Variants in TRIM65 observed in about 807,000 individuals in gnomAD.
TRIM65 encodes E3 ubiquitin-protein ligase TRIM65.
Under a neutral mutation model 36.1 loss-of-function variants are expected in TRIM65, and 46 were observed. The ratio of observed to expected loss-of-function variants is 1.27; its 90% CI spans 1.01 to 1.63. TRIM65 has a LOEUF of 1.63. Ranked by LOEUF, TRIM65 falls within the 40% of genes most tolerant of loss-of-function variation. The pLI is 0.00. For synonymous variants in TRIM65, 346 were observed against 313.6 expected (o/e 1.10, Z -1.09); for missense variants, 708 against 696.6 (o/e 1.02, Z -0.18).
In TRIM65 at chr17:75,891,850, T is replaced by C; in HGVS notation, c.948A>G (p.Pro316=). The change falls in exon 5 of 6, where the codon CCA becomes CCG. Residue 316 remains proline (P), a synonymous_variant. Transcript: ENST00000269383. ...VEAPGPLAPV[P]STVCPLRRKL... is the part of the protein sequence containing the mutation. ...TCCTCCTCAGTGGACAAACTGTGCT[T>C]GGGACCGGTGCCAGGGGACCTGGGG... is the stretch of plus-strand genomic sequence containing the variant. 2 of 1,612,846 alleles carry C rather than the reference T, an allele frequency of 1.2e-6. No homozygotes were observed. Among genetic ancestry groups the C allele is most frequent in the Non-Finnish European group, 1.7e-6 (2 of 1,179,374 alleles).
chr17:75,890,958 AG>A lies in TRIM65; in HGVS notation c.1374del (p.Ser459GlnfsTer39), dbSNP rs1264058081. On this transcript the variant is annotated frameshift_variant, in exon 6 of 6. Coordinates refer to ENST00000269383, the MANE Select transcript of TRIM65 (RefSeq NM_173547.4). LOFTEE classifies it low-confidence loss of function (END_TRUNC). ...AGGCTGTAGAAGGTGAGGCAGCCTGAGGCCAGGTCCAAATCCATGCCCAGGA... is the reference window on the plus strand; with the variant it reads ...AGGCTGTAGAAGGTGAGGCAGCCTGAGCCAGGTCCAAATCCATGCCCAGGA... ...GRLLGMDLDL[A>X]SGCLTFYSLE... is the part of the protein sequence containing the mutation. 1 of 1,560,446 alleles carries A rather than the reference AG, an allele frequency of 6.4e-7. No individual in the cohort carries two copies. Among genetic ancestry groups the A allele is most frequent in the South Asian group, 1.2e-5 (1 of 85,492 alleles).
intron 5 of TRIM65, 118 bp downstream of exon 5, chr17:75,891,695 T>C (rs2065268901): frequency 1.5e-6 from 2 of 1,304,622 alleles, no homozygotes; most frequent in Non-Finnish European, 2.1e-6. Flanking sequence ...TCAAAACAAG[T>C]GCCCCCCTCA....
downstream of TRIM65, chr17:75,879,554 G>A (rs768406933): frequency 4.0e-5 from 6 of 150,660 alleles, no homozygotes; most frequent in Non-Finnish European, 7.3e-5. Context: ...AAAGTGGTGC[G>A]TTTTATTGTA....
At position 75,889,799 on chromosome 17, in the gene TRIM65, C is replaced by G. The variant is rs1390126484; in HGVS notation, c.*980G>C. 6.6e-6 allele frequency: 1 copy of G among 152,108 alleles called. No individual in the cohort carries two copies. The highest frequency in any genetic ancestry group is 2.4e-5 in the African/African-American group (1 of 41,416). 9.4% of individuals were successfully genotyped at this position (152,108 alleles called of 1,614,324 possible). On this transcript the variant is annotated 3_prime_UTR_variant, in exon 6 of 6. Coordinates refer to ENST00000269383, the MANE Select transcript of TRIM65 (RefSeq NM_173547.4). The stretch of plus-strand genomic sequence containing the variant: ...GCCAAACATCCCACTCAGAAATATT[C>G]ATCATAAGCCAGGCGTGGTGGCATA...
At chr17:75,893,904 T>G (rs2065308477) in intron 1 of TRIM65, among the ~76,000 whole-genome samples, 1 of 152,008 alleles carries the variant, frequency 6.6e-6, no homozygotes, top group Non-Finnish European at 1.5e-5. Context: ...GGCCTCCAAC[T>G]CAAACTTCCG....
chr17:75,882,006 C>T (rs945547793), intron 4 of TRIM65, among the ~76,000 whole-genome samples: 1 of 150,328 alleles, frequency 6.7e-6, no homozygotes, highest in Non-Finnish European at 1.5e-5. Flanking sequence ...CACCCTGCTC[C>T]GTGGCTTTGG....
Position 75,881,434 on chromosome 17 carries a change from G to A in TRIM65, c.350-805C>T, listed in dbSNP as rs113122098. ...ACAGTTCTGGAGGCTGGAAGTCTGC[G>A]ATCACGGTGACAGCACAGTCAGGGT... On this transcript the variant is annotated intron_variant, in intron 4 of 4. Coordinates refer to the TRIM65 transcript ENST00000591668. 2.8e-3 allele frequency among the ~76,000 whole-genome samples: 424 copies of A among 150,284 alleles called. 3 individuals carry two copies. Among genetic ancestry groups the A allele is most frequent in the Non-Finnish European group, 4.7e-3 (318 of 67,986 alleles).
chr17:75,884,645 G>A (rs1329493603), downstream of TRIM65, among the ~76,000 whole-genome samples: 2 of 151,992 alleles, frequency 1.3e-5, no homozygotes, highest in Non-Finnish European at 2.9e-5. Context: ...TTGAGACAGG[G>A]TCTCACTCTG....
chr17:75,885,515 G>A (rs898388293), downstream of TRIM65, among the ~76,000 whole-genome samples: 1 of 152,176 alleles, frequency 6.6e-6, no homozygotes, highest in Non-Finnish European at 1.5e-5. Context: ...GAAGTGCTGC[G>A]ATTGCAGGCG....
chr17:75,890,788 C>A lies in TRIM65; in HGVS notation c.1545G>T (p.Val515=). Residue 515 remains valine (V), a synonymous_variant, in exon 6 of 6, where the codon GTG becomes GTT. Transcript: ENST00000269383. The part of the protein sequence containing the change: ...AVFPLGPQEE[V]LS Reference sequence around the variant, plus strand: ...CCATCCCATGCCTTCTTCAGCTGAGCACCTCTTCCTGGGGCCCCAGAGGGA... The same window carrying A: ...CCATCCCATGCCTTCTTCAGCTGAGAACCTCTTCCTGGGGCCCCAGAGGGA... 2 of 1,480,792 alleles carry A rather than the reference C, an allele frequency of 1.4e-6. No homozygotes were observed. Among genetic ancestry groups the A allele is most frequent in the South Asian group, 1.4e-5 (1 of 70,446 alleles). The allele number at this position is 1,480,792 out of a possible 1,614,324, so 91.7% of individuals were successfully genotyped here. A position where few individuals can be genotyped will look rare whatever the true frequency, so the allele number is the denominator to read the frequency against.
In TRIM65 at chr17:75,891,933, C is replaced by A; in HGVS notation, c.920-55G>T. 2.6e-6 allele frequency: 4 copies of A among 1,565,232 alleles called. No individual in the cohort carries two copies. The Middle Eastern group carries it at 5.0e-4, about 197-fold the overall frequency. On this transcript the variant is annotated intron_variant, in intron 4 of 5. Transcript: ENST00000269383. ...GTTGGAGAGGTCACGATGTGTGGGC[C>A]CTGACCCGCCTCCACCCCCCCAGCG...
chr17:75,895,341 A>G (rs1188741890), intron 1 of TRIM65, among the ~76,000 whole-genome samples: 2 of 151,852 alleles, frequency 1.3e-5, no homozygotes, highest in Admixed American at 6.6e-5. Context: ...TTCAGCCCCC[A>G]GCCAGGTGAT....
rs531815348 is a variant in TRIM65 at position 75,891,128 on chromosome 17, G to C, written c.1205C>G (p.Pro402Arg). 3.7e-6 allele frequency: 6 copies of C among 1,608,368 alleles called. No homozygotes were observed. The African/African-American group carries it at 8.0e-5, about 21-fold the overall frequency. The stretch of plus-strand genomic sequence containing the variant: ...CCCCAGCCTGCACCGTGGCAGTTGC[G>C]GGTAGGAGACGCCCAGTGTCACCGA... ...DHSVTLGVSY[P>R]QLPRCRLGPH... Residue 402 changes from proline (P) to arginine (R), a missense_variant, in exon 6 of 6, where the codon CCG becomes CGG. Pro to Arg is a moderately radical substitution (Grantham distance 103). Transcript: ENST00000269383.
At position 75,891,169 on chromosome 17, in the gene TRIM65, C is replaced by A. The variant is rs1355295546; in HGVS notation, c.1164G>T (p.Val388=). The part of the protein sequence containing the change: ...SFQAGHHYWE[V]RASDHSVTLG... ...GTGTCACCGAGTGGTCTGACGCGCG[C>A]ACCTCCCAGTAGTGGTGCCCGGCCT... Residue 388 remains valine (V), a synonymous_variant, in exon 6 of 6, where the codon GTG becomes GTT. Transcript: ENST00000269383. 7 of 1,610,194 alleles carry A rather than the reference C, an allele frequency of 4.3e-6. No homozygotes were observed. The highest frequency in any genetic ancestry group is 5.9e-6 in the Non-Finnish European group (7 of 1,179,950).
intron 1 of TRIM65, among the ~76,000 whole-genome samples, chr17:75,893,290 C>A (rs1472453973): frequency 6.6e-6 from 1 of 152,196 alleles, no homozygotes; most frequent in Non-Finnish European, 1.5e-5. Context: ...GGGTCAGTGG[C>A]CCAGGAGGCC....
chr17:75,895,866 C>G (rs1243993761), intron 1 of TRIM65, among the ~76,000 whole-genome samples: 1 of 152,226 alleles, frequency 6.6e-6, no homozygotes, highest in Non-Finnish European at 1.5e-5. Context: ...CAACCCCGCA[C>G]AGCGAATGAA....
Position 75,891,887 on chromosome 17 carries a change from C to G in TRIM65, c.920-9G>C. ...CAGGGGACCTGGGGCCTCTAGGGGGCAAAGCAGTGTTAAGGGAATGGTTGG... is the reference window on the plus strand; with the variant it reads ...CAGGGGACCTGGGGCCTCTAGGGGGGAAAGCAGTGTTAAGGGAATGGTTGG... On this transcript the variant is annotated splice_polypyrimidine_tract_variant and intron_variant, in intron 4 of 5. Coordinates refer to ENST00000269383, the MANE Select transcript of TRIM65 (RefSeq NM_173547.4). 1 of 1,609,414 alleles carries G rather than the reference C, an allele frequency of 6.2e-7. No individual in the cohort carries two copies. Among genetic ancestry groups the G allele is most frequent in the Non-Finnish European group, 8.5e-7 (1 of 1,177,890 alleles).
downstream of TRIM65, among the ~76,000 whole-genome samples, chr17:75,888,361 A>G (rs965217034): frequency 5.4e-5 from 8 of 147,902 alleles, no homozygotes; most frequent in African/African-American, 1.0e-4. Context: ...TCAAAAAAAA[A>G]AAAGAAAGAA....
downstream of TRIM65, among the ~76,000 whole-genome samples, chr17:75,887,708 TG>T (rs2065219023): frequency 6.6e-6 from 1 of 150,870 alleles, no homozygotes; most frequent in Non-Finnish European, 1.5e-5. Context: ...TATGTTGACT[TG>T]GGAGGCTGTC....
Sources: gnomAD v4.1 joint callset for allele counts (sites outside exome capture counted in the v4.1 genomes callset) on GRCh38, gnomAD v4.1.1 for gene constraint, MANE v1.5 for transcripts, NCBI Gene and HGNC (gene_info 2026-07-23, HGNC 2026-07-21) for gene names.